The following TUSC3 variants were observed in gnomAD, a reference collection of about 807,000 sequenced individuals.
The protein encoded by TUSC3 is dolichyl-diphosphooligosaccharide--protein glycosyltransferase subunit TUSC3.
Under a neutral mutation model 44.8 loss-of-function variants are expected in TUSC3, and 45 were observed. The ratio of observed to expected loss-of-function variants is 1.00; its 90% CI spans 0.79 to 1.29. The LOEUF (loss-of-function observed/expected upper bound fraction) is 1.29, where lower values mean the gene tolerates loss of function less well. Among genes scored for constraint, TUSC3 ranks in the 50% most tolerant of loss-of-function variants. TUSC3 has a pLI of 0.00. For missense variants in TUSC3, 519 were observed against 437.9 expected (o/e 1.19, Z -1.65); for synonymous variants, 212 against 152.9 (o/e 1.39, Z -2.85).
intron 5 of TUSC3, among the ~76,000 whole-genome samples, chr8:15,667,903 A>C (rs1807744037): frequency 6.6e-6 from 1 of 151,756 alleles, no homozygotes; most frequent in African/African-American, 2.4e-5. Context: ...AAACTATAGG[A>C]TCTGAGCAGT....
intron 6 of TUSC3, among the ~76,000 whole-genome samples, chr8:15,716,499 A>G (rs1810066087): frequency 6.6e-6 from 1 of 152,142 alleles, no homozygotes; most frequent in Non-Finnish European, 1.5e-5. Flanking sequence ...GATAAAACCA[A>G]TTTATGGGTA....
At chr8:15,689,752 A>G (rs1169261320) in intron 6 of TUSC3, among the ~76,000 whole-genome samples, 2 of 151,812 alleles carry the variant, frequency 1.3e-5, no homozygotes, top group Non-Finnish European at 2.9e-5. Context: ...GGATAATGGC[A>G]TCCAACTCCA....
chr8:15,470,208 G>C (rs1337423553), intron 1 of TUSC3, among the ~76,000 whole-genome samples: 2 of 149,258 alleles, frequency 1.3e-5, no homozygotes, highest in Non-Finnish European at 1.5e-5. Flanking sequence ...CCAGGAGGCA[G>C]AGGTTGCACC....
At chr8:15,814,484 A>T in the TUSC3 span, among the ~76,000 whole-genome samples, 1 of 152,306 alleles carries the variant, frequency 6.6e-6, no homozygotes. Context: ...TGCGTTGCCA[A>T]TATGTATACA....
chr8:15,777,657 A>G, the TUSC3 span, among the ~76,000 whole-genome samples: 3 of 152,186 alleles, frequency 2.0e-5, no homozygotes, highest in African/African-American at 4.8e-5. Flanking sequence ...ACAACTTTAA[A>G]TAGTTCATAA....
chr8:15,754,330 GAAAT>G (rs57786075), intron 9 of TUSC3, among the ~76,000 whole-genome samples: 82,454 of 151,308 alleles, frequency 0.54, 23,302 homozygotes, highest in Non-Finnish European at 0.63. Context: ...ATCCAAGACA[GAAAT>G]AAATACATTG....
chr8:15,811,225 A>G, the TUSC3 span, among the ~76,000 whole-genome samples: 2 of 152,322 alleles, frequency 1.3e-5, no homozygotes, highest in East Asian at 3.9e-4. Flanking sequence ...TCTCAGAGAC[A>G]TAACAAAGTG....
intron 3 of TUSC3, chr8:15,651,157 A>G (rs1359262428): frequency 2.1e-5 from 6 of 289,718 alleles, no homozygotes; most frequent in African/African-American, 1.3e-4. Context: ...ATTCATTTTA[A>G]CTTTTGCAAC....
chr8:15,431,398 C>G (rs934278402), intron 1 of TUSC3, among the ~76,000 whole-genome samples: 1 of 151,536 alleles, frequency 6.6e-6, no homozygotes, highest in Non-Finnish European at 1.5e-5. Flanking sequence ...GTCTCACTTC[C>G]GTGTTTAAAT....
At chr8:15,826,161 T>A in the TUSC3 span, among the ~76,000 whole-genome samples, 1 of 152,304 alleles carries the variant, frequency 6.6e-6, no homozygotes, top group East Asian at 1.9e-4. Flanking sequence ...AGTTCATGCA[T>A]TCTTTCTAAA....
At chr8:15,516,707 A>C (rs924149154) in intron 2 of TUSC3, among the ~76,000 whole-genome samples, 1 of 152,194 alleles carries the variant, frequency 6.6e-6, no homozygotes, top group African/African-American at 2.4e-5. Flanking sequence ...TATTTAGACA[A>C]ATTAATCCTA....
At chr8:15,501,799 A>G (rs1800970452) in intron 2 of TUSC3, among the ~76,000 whole-genome samples, 1 of 152,184 alleles carries the variant, frequency 6.6e-6, no homozygotes. Flanking sequence ...ATTTGTTTTC[A>G]GTGCTCTTTC....
intron 1 of TUSC3, among the ~76,000 whole-genome samples, chr8:15,455,917 C>G: frequency 6.6e-6 from 1 of 152,194 alleles, no homozygotes; most frequent in East Asian, 1.9e-4. Context: ...TTTATTCCTG[C>G]AGATAACATC....
At chr8:15,467,974 G>A (rs1175608217) in intron 1 of TUSC3, among the ~76,000 whole-genome samples, 3 of 152,090 alleles carry the variant, frequency 2.0e-5, no homozygotes, top group Non-Finnish European at 4.4e-5. Flanking sequence ...TTATTGGCAA[G>A]ATGGTAGTGT....
At position 15,598,265 on chromosome 8, in the gene TUSC3, C is replaced by T. The variant is rs552869639; in HGVS notation, c.139-24815C>T. On this transcript the variant is annotated intron_variant, in intron 1 of 10. Transcript: ENST00000503731. The stretch of plus-strand genomic sequence containing the variant: ...CTTCTGGCTTTTTTCTTGTTCTAGA[C>T]GTATTTTGCATGATACTTTACCATT... Among the ~76,000 whole-genome samples, 5 of 151,958 alleles carry T rather than the reference C, an allele frequency of 3.3e-5. No homozygotes were observed. The East Asian group carries it at 5.8e-4, about 18-fold the overall frequency.
At chr8:15,614,546 T>C (rs1470400397) in intron 1 of TUSC3, among the ~76,000 whole-genome samples, 1 of 152,180 alleles carries the variant, frequency 6.6e-6, no homozygotes, top group Admixed American at 6.6e-5. Context: ...GAATAAAATG[T>C]GTGGTCTGTT....
chr8:15,689,073 G>C (rs946413573), intron 6 of TUSC3: 5 of 366,576 alleles, frequency 1.4e-5, no homozygotes, highest in Non-Finnish European at 2.7e-5. Flanking sequence ...AAAATCTTCT[G>C]CCCTGTAGTT....
At chr8:15,529,809 G>C (rs965808652) in intron 2 of TUSC3, among the ~76,000 whole-genome samples, 1 of 28,078 alleles carries the variant, frequency 3.6e-5, no homozygotes, top group Non-Finnish European at 7.8e-5. Context: ...TTTTTTTTTT[G>C]AGACGGAGTC....
intron 1 of TUSC3, among the ~76,000 whole-genome samples, chr8:15,607,480 GA>G (rs1490603091): frequency 2.6e-5 from 4 of 151,996 alleles, no homozygotes; most frequent in African/African-American, 9.7e-5. Context: ...ATAAAGATGA[GA>G]AAAAATTTTA....
Sources: allele counts gnomAD v4.1 joint callset (sites outside exome capture counted in the v4.1 genomes callset), GRCh38; gene constraint gnomAD v4.1.1; transcripts MANE v1.5; gene names NCBI Gene and HGNC (gene_info 2026-07-23, HGNC 2026-07-21).